Variants in COL1A2 observed in about 807,000 individuals in gnomAD.
COL1A2 encodes collagen alpha-2(I) chain.
A neutral mutation model predicts 174.3 loss-of-function variants in COL1A2; 49 were observed. The ratio of observed to expected loss-of-function variants is 0.28; its 90% CI spans 0.22 to 0.36. The LOEUF is 0.36. COL1A2 is among the 10% of genes least tolerant of loss of function. COL1A2 has a pLI of 1.00. For missense variants in COL1A2, 1,438 were observed against 1,822.7 expected, an observed-to-expected ratio of 0.79 and a Z score of 3.84; for synonymous variants, 655 against 606.6, an observed-to-expected ratio of 1.08 and a Z score of -1.17.
At chr7:94,415,143 T>C in intron 29 of COL1A2, 83 bp from the exon 30 acceptor site, 1 of 1,318,646 alleles carries the variant, frequency 7.6e-7, no homozygotes, top group South Asian at 1.2e-5. Flanking sequence ...TTTCACTCTT[T>C]CCAAATTTTT....
Position 94,398,404 on chromosome 7 carries a change from T to A in COL1A2, c.96+8T>A. 1.0e-6 allele frequency: 1 copy of A among 955,848 alleles called. No homozygotes were observed. The highest frequency in any genetic ancestry group is 1.5e-6 in the Non-Finnish European group (1 of 649,792). 59.2% of individuals were successfully genotyped at this position (955,848 alleles called of 1,614,324 possible). ...TAGGAAACTGTAAGAAAGGTAAGAG[T>A]ACACTACTTCTCCATAAATATCTAA... On this transcript the variant is annotated splice_region_variant and intron_variant, in intron 3 of 51. Coordinates refer to ENST00000297268, the MANE Select transcript of COL1A2 (RefSeq NM_000089.4).
chr7:94,408,367 C>A lies in COL1A2; in HGVS notation c.725C>A (p.Pro242His). ...CGTGGCAGTGATGGAAGTGTGGGTC[C>A]CGTGGGTCCTGCTGTAAGTTTTGAC... ...GARGSDGSVG[P>H]VGPAGPIGSA... Residue 242 changes from proline (P) to histidine (H), a missense_variant, in exon 15 of 52, where the codon CCC (proline) becomes CAC (histidine). Around this residue, in one of 3 missense-constraint regions of COL1A2, gnomAD observed 867 missense variants for 1,213.7 expected, o/e 0.71. Coordinates refer to ENST00000297268, the MANE Select transcript of COL1A2 (RefSeq NM_000089.4). 6.2e-7 allele frequency: 1 copy of A among 1,613,836 alleles called. No homozygotes were observed. The highest frequency in any genetic ancestry group is 8.5e-7 in the Non-Finnish European group (1 of 1,179,950).
At chr7:94,430,060 G>A in intron 51 of COL1A2, 187 bp from the exon 52 acceptor site, 2 of 627,072 alleles carry the variant, frequency 3.2e-6, no homozygotes, top group South Asian at 3.8e-5. Context: ...TTGTTAGACT[G>A]ATAGGGAGCC....
At chr7:94,421,766 A>G in intron 38 of COL1A2, 133 bp from the exon 39 acceptor site, 2 of 762,652 alleles carry the variant, frequency 2.6e-6, no homozygotes, top group Non-Finnish European at 4.6e-6. Context: ...GCCCTATATG[A>G]AGCTGCCTAC....
intron 12 of COL1A2, 127 bp downstream of exon 12, chr7:94,406,430 T>A: frequency 2.4e-6 from 2 of 817,504 alleles, no homozygotes; most frequent in Non-Finnish European, 4.0e-6. Flanking sequence ...TTCTTTCCTG[T>A]ACTTCAAATC....
chr7:94,397,420 T>C (rs956893577), intron 1 of COL1A2, among the ~76,000 whole-genome samples: 6 of 152,202 alleles, frequency 3.9e-5, no homozygotes, highest in Admixed American at 6.5e-5. Flanking sequence ...GATTCATCTG[T>C]GCACTTTACC....
chr7:94,429,825 G>C (rs1424660049), intron 51 of COL1A2: 1 of 252,686 alleles, frequency 4.0e-6, no homozygotes. Flanking sequence ...TTATTAGTAT[G>C]GCCTACATTT....
intron 28 of COL1A2, 123 bp downstream of exon 28, chr7:94,414,070 G>A (rs1791987668): frequency 7.5e-7 from 1 of 1,332,718 alleles, no homozygotes; most frequent in East Asian, 2.3e-5. Context: ...AAAGAAAGGT[G>A]CATTTTTTTC....
chr7:94,404,231 A>G (rs1362003766), intron 6 of COL1A2, among the ~76,000 whole-genome samples: 1 of 152,218 alleles, frequency 6.6e-6, no homozygotes, highest in African/African-American at 2.4e-5. Context: ...ATAGAAGACA[A>G]TTGTATATTC....
rs111331487 is a variant in COL1A2, at chr7:94,413,555, C to T, written c.1558-135C>T. 3,271 of 857,178 alleles carry T rather than the reference C, an allele frequency of 3.8e-3. 17 individuals are homozygous for T. The highest frequency in any genetic ancestry group is 1.0e-2 in the African/African-American group (601 of 60,104). 53.1% of individuals were successfully genotyped at this position (857,178 alleles called of 1,614,324 possible). A position where few individuals can be genotyped will look rare whatever the true frequency, so the allele number is the denominator to read the frequency against. On this transcript the variant is annotated intron_variant, in intron 26 of 51. Coordinates refer to ENST00000297268, the MANE Select transcript of COL1A2 (RefSeq NM_000089.4). ...AGTTAGTAGGCAGTATTTGGGCTTT[C>T]GTGGGAACCCACAATGAGTTTAATT...
At position 94,418,165 on chromosome 7, in the gene COL1A2, C is replaced by A. The variant is rs116431201; in HGVS notation, c.1971+334C>A. On this transcript the variant is annotated intron_variant, in intron 32 of 51. Transcript: ENST00000297268. ...AACCATGCTGCTGCATTAGTTATGC[C>A]GTAAGAGTGATCAGGCGCTGCAGCC... is the stretch of plus-strand genomic sequence containing the variant. 3.0e-3 allele frequency among the ~76,000 whole-genome samples: 464 copies of A among 152,180 alleles called. 3 individuals carry two copies. The highest frequency in any genetic ancestry group is 0.01 in the African/African-American group (436 of 41,528).
chr7:94,409,420 T>C lies in COL1A2; in HGVS notation c.891T>C (p.Pro297=), dbSNP rs774946139. 3.1e-6 allele frequency: 5 copies of C among 1,614,110 alleles called. No individual in the cohort carries two copies. The South Asian group carries it at 4.4e-5, about 14-fold the overall frequency. ...LPGLSGPVGP[P]GNPGANGLTG... is the part of the protein sequence containing the mutation. ...GCCTCTCCGGCCCCGTTGGACCTCC[T>C]GTAAGTAGCCACTGTCTTTAAACTT... Residue 297 remains proline (P), a splice_region_variant and synonymous_variant, in exon 17 of 52, where the codon CCT becomes CCC. Coordinates refer to ENST00000297268, the MANE Select transcript of COL1A2 (RefSeq NM_000089.4).
Position 94,395,099 on chromosome 7 carries a change from A to T in COL1A2, c.68A>T (p.Gln23Leu), listed in dbSNP as rs1328377093. ...GTAACCTTATGCCTAGCAACATGCC[A>T]ATGTAAGTGCCTTCAGCTTGTTTGG... ...LAVTLCLATC[Q>L]SLQEETVRKG... The change falls in exon 1 of 52, where the codon CAA (glutamine) becomes CTA (leucine). Residue 23 changes from glutamine (Q) to leucine (L), a missense_variant and splice_region_variant. Coordinates refer to ENST00000297268, the MANE Select transcript of COL1A2 (RefSeq NM_000089.4). The T allele has an allele frequency of 6.2e-7, 1 of 1,613,866 alleles. No individual in the cohort carries two copies. Among genetic ancestry groups the T allele is most frequent in the Non-Finnish European group, 8.5e-7 (1 of 1,179,854 alleles).
At chr7:94,411,969 A>T (rs1196220805) in intron 23 of COL1A2, 99 bp from the exon 24 acceptor site, 13 of 959,940 alleles carry the variant, frequency 1.4e-5, no homozygotes, top group Non-Finnish European at 2.0e-5. Context: ...ACAAACAAAA[A>T]GTCGGGGGAA....
intron 46 of COL1A2, 49 bp from the exon 47 acceptor site, chr7:94,426,959 C>A: frequency 1.3e-6 from 2 of 1,545,196 alleles, no homozygotes; most frequent in Non-Finnish European, 1.8e-6. Context: ...AAAAATATGT[C>A]TCTTGACATG....
In COL1A2 at chr7:94,427,671, C is replaced by T. The variant is rs1000326442; in HGVS notation, c.3312C>T (p.Ser1104=). ...PPGPPGPPGV[S]GGGYDFGYDG... ...GCCCTCCTGGACCTCCAGGTGTAAGCGGTGGTGGTTATGACTTTGGTTACG... is the reference window on the plus strand; with the variant it reads ...GCCCTCCTGGACCTCCAGGTGTAAGTGGTGGTGGTTATGACTTTGGTTACG... Residue 1104 remains serine (S), a synonymous_variant, in exon 49 of 52, where the codon AGC becomes AGT. Coordinates refer to ENST00000297268, the MANE Select transcript of COL1A2 (RefSeq NM_000089.4). 23 of 1,614,012 alleles carry T rather than the reference C, an allele frequency of 1.4e-5. No homozygotes were observed. Among genetic ancestry groups the T allele is most frequent in the East Asian group, 1.1e-4 (5 of 44,886 alleles).
Position 94,404,538 on chromosome 7 carries a change from T to C in COL1A2, c.280-18T>C, listed in dbSNP as rs776738796. 3.7e-6 allele frequency: 6 copies of C among 1,612,386 alleles called. No homozygotes were observed. The African/African-American group carries it at 8.0e-5, about 22-fold the overall frequency. On this transcript the variant is annotated intron_variant, in intron 6 of 51. Coordinates refer to ENST00000297268, the MANE Select transcript of COL1A2 (RefSeq NM_000089.4). Reference sequence around the variant, plus strand: ...AACTTATCAGTGCTAACTGTTGATATATCTGCTTTCTTTACAGGGCTTAAT... The same window carrying C: ...AACTTATCAGTGCTAACTGTTGATACATCTGCTTTCTTTACAGGGCTTAAT...
intron 30 of COL1A2, 111 bp from the exon 31 acceptor site, chr7:94,416,294 A>G: frequency 1.1e-6 from 1 of 901,608 alleles, no homozygotes; most frequent in Non-Finnish European, 1.7e-6. Flanking sequence ...TTAATTTGCT[A>G]ATAAATGCAA....
chr7:94,412,735 A>G (rs1306449264), intron 25 of COL1A2, 53 bp downstream of exon 25: 2 of 1,487,900 alleles, frequency 1.3e-6, no homozygotes, highest in East Asian at 4.6e-5. Flanking sequence ...GCCAAATTTT[A>G]CCAAACTCTA....
Sources: allele counts gnomAD v4.1 joint callset (sites outside exome capture counted in the v4.1 genomes callset), GRCh38; gene constraint gnomAD v4.1.1; regional missense constraint gnomAD v4.1.1; transcripts MANE v1.5; gene names NCBI Gene and HGNC (gene_info 2026-07-23, HGNC 2026-07-21).